The following MYH7 variants were observed in gnomAD, a reference collection of about 807,000 sequenced individuals.
The protein encoded by MYH7 is myosin-7.
In MYH7, 129 loss-of-function variants were observed where a neutral mutation model predicts 225.4. The ratio of observed to expected loss-of-function variants is 0.57; its 90% CI spans 0.50 to 0.66. The LOEUF is 0.66. MYH7 is among the 30% of genes least tolerant of loss of function. The pLI is 0.00. For missense variants in MYH7, 1,649 were observed against 2,517.0 expected (o/e 0.66, Z 7.38); for synonymous variants, 971 against 1,007.6 (o/e 0.96, Z 0.69).
intron 30 of MYH7, 123 bp downstream of exon 30, chr14:23,418,087 A>T: frequency 7.0e-7 from 1 of 1,420,588 alleles, no homozygotes; most frequent in Non-Finnish European, 1.0e-6. Context: ...GCCGGGGCAG[A>T]GTCCTCCTGT....
rs773468693 is a variant in MYH7, at chr14:23,424,120, C to T, written c.2709G>A (p.Glu903=). 2.5e-6 allele frequency: 4 copies of T among 1,614,220 alleles called. No homozygotes were observed. The highest frequency in any genetic ancestry group is 3.3e-5 in the Admixed American group (2 of 60,032). ...AEQDNLADAE[E]RCDQLIKNKI... is the part of the protein sequence containing the mutation. Reference sequence around the variant, plus strand: ...TGTTTTTGATCAGCTGATCACAGCGCTCCTCAGCATCTGCCAGGTTGTCTT... The same window carrying T: ...TGTTTTTGATCAGCTGATCACAGCGTTCCTCAGCATCTGCCAGGTTGTCTT... The change falls in exon 23 of 40, where the codon GAG becomes GAA. Residue 903 remains glutamate (E), a synonymous_variant. Coordinates refer to ENST00000355349, the MANE Select transcript of MYH7 (RefSeq NM_000257.4).
rs770924849 is a variant in MYH7 at position 23,425,269 on chromosome 14, T to A, written c.2423+13A>T. The A allele has an allele frequency of 6.8e-6, 11 of 1,612,462 alleles. No individual in the cohort carries two copies. The South Asian group carries it at 1.2e-4, about 18-fold the overall frequency. ...CTCAGAGAAGCGGGAAACCTCCTCT[T>A]GAGATCTCTCACCTACGTTCCAGCA... On this transcript the variant is annotated intron_variant, in intron 21 of 39. Transcript: ENST00000355349. The surrounding 1 kb of genome is among the most constrained non-coding windows in gnomAD (Gnocchi z 4.6).
intron 33 of MYH7, 85 bp downstream of exon 33, chr14:23,416,783 A>G: frequency 6.2e-7 from 1 of 1,606,358 alleles, no homozygotes. Context: ...GACAGTGAAC[A>G]AAACGGACAA....
At chr14:23,417,915 G>A (rs1255476055) in intron 30 of MYH7, 5 of 869,876 alleles carry the variant, frequency 5.7e-6, no homozygotes, top group Non-Finnish European at 9.9e-6. Context: ...TGGACATTGA[G>A]GAGGTATGGG....
chr14:23,433,678 AC>A lies in MYH7; in HGVS notation c.54del (p.Lys18AsnfsTer7), dbSNP rs776020653. The A allele has an allele frequency of 6.2e-7, 1 of 1,614,142 alleles. No homozygotes were observed. The highest frequency in any genetic ancestry group is 8.5e-7 in the Non-Finnish European group (1 of 1,180,046). Reference sequence around the variant, plus strand: ...TGCGCTTCTAGCCGCTCCTTCTCTGACTTGCGCAGGTAGGGGGCGGCAGCCC... The same window carrying A: ...TGCGCTTCTAGCCGCTCCTTCTCTGATTGCGCAGGTAGGGGGCGGCAGCCC... The part of the protein sequence containing the change: ...VFGAAAPYLR[K>X]SEKERLEAQT... On this transcript the variant is annotated frameshift_variant, in exon 3 of 40. Transcript: ENST00000355349. LOFTEE classifies it high-confidence loss of function. The surrounding 1 kb of genome is among the most constrained non-coding windows in gnomAD (Gnocchi z 4.1).
Position 23,422,251 on chromosome 14 carries a change from G to GAGAGC in MYH7, c.3173_3174insGCTCT (p.Asp1058GlufsTer4). 1 of 1,614,048 alleles carries GAGAGC rather than the reference G, an allele frequency of 6.2e-7. No individual in the cohort carries two copies. On this transcript the variant is annotated frameshift_variant, in exon 25 of 40. Coordinates refer to ENST00000355349, the MANE Select transcript of MYH7 (RefSeq NM_000257.4). LOFTEE classifies it high-confidence loss of function. ...TGATGCTCTCCTGGGTCAGCTTCAGGTCGCCCTCCAGCTTCCGCTTCGCTC... is the reference window on the plus strand; with the variant it reads ...TGATGCTCTCCTGGGTCAGCTTCAGGAGAGCTCGCCCTCCAGCTTCCGCTTCGCTC...
At chr14:23,432,177 T>A (rs1276462040) in intron 6 of MYH7, among the ~76,000 whole-genome samples, 1 of 152,172 alleles carries the variant, frequency 6.6e-6, no homozygotes, top group Non-Finnish European at 1.5e-5. Context: ...TGGGAAATGT[T>A]TCTGAAGGGA....
chr14:23,428,046 C>G (rs1405347888), intron 15 of MYH7, 152 bp from the exon 16 acceptor site: 8 of 1,029,054 alleles, frequency 7.8e-6, no homozygotes, highest in Non-Finnish European at 9.9e-6. Flanking sequence ...TGACTGGAAC[C>G]GGTTCAAGGT....
At chr14:23,423,301 G>A (rs1303249698) in intron 24 of MYH7, among the ~76,000 whole-genome samples, 4 of 152,164 alleles carry the variant, frequency 2.6e-5, no homozygotes, top group African/African-American at 9.6e-5. Flanking sequence ...CTCTATTATT[G>A]ATCATACCAG....
At chr14:23,430,478 G>A (rs1892882680) in intron 11 of MYH7, 82 bp downstream of exon 11, 5 of 1,114,546 alleles carry the variant, frequency 4.5e-6, no homozygotes, top group Non-Finnish European at 6.7e-6. Flanking sequence ...CCAATGGCCA[G>A]CGTCTTAGCT....
In MYH7 at chr14:23,412,786, G is replaced by T. The variant is rs1892025151; in HGVS notation, c.*68C>A. 1 of 1,573,028 alleles carries T rather than the reference G, an allele frequency of 6.4e-7. No homozygotes were observed. Among genetic ancestry groups the T allele is most frequent in the Admixed American group, 1.7e-5 (1 of 59,948 alleles). ...TTATTCTGCTTCCTCCCAAGGAGCT[G>T]TTACACAGGCTCCAGCATGGGGCTT... On this transcript the variant is annotated 3_prime_UTR_variant, in exon 40 of 40. Transcript: ENST00000355349.
intron 37 of MYH7, 148 bp downstream of exon 37, chr14:23,414,847 A>T: frequency 7.3e-7 from 1 of 1,362,194 alleles, no homozygotes; most frequent in Non-Finnish European, 1.0e-6. Flanking sequence ...GGACATTCAG[A>T]GTGGGGCAGG....
At chr14:23,419,120 G>T in intron 29 of MYH7, 57 bp downstream of exon 29, 1 of 1,446,626 alleles carries the variant, frequency 6.9e-7, no homozygotes, top group South Asian at 1.1e-5. Flanking sequence ...GTGATTTGAT[G>T]CAAGGCTAGT....
chr14:23,417,597 C>T lies in MYH7; in HGVS notation c.4259G>A (p.Arg1420Gln), dbSNP rs397516207. 6.2e-6 allele frequency: 10 copies of T among 1,612,722 alleles called. No homozygotes were observed. The highest frequency in any genetic ancestry group is 2.2e-5 in the East Asian group (1 of 44,876). ...KCSSLEKTKH[R>Q]LQNEIEDLMV... is the part of the protein sequence containing the mutation. The stretch of plus-strand genomic sequence containing the variant: ...CAAGTCCTCGATCTCATTCTGTAGC[C>T]GGTGCTTGGTCTTCTCCAGCGAGGA... Residue 1420 changes from arginine to glutamine, a missense_variant, in exon 31 of 40, where the codon CGG becomes CAG. Around this residue, in one of 12 missense-constraint regions of MYH7, gnomAD observed 687 missense variants for 913.8 expected, o/e 0.75. Coordinates refer to ENST00000355349, the MANE Select transcript of MYH7 (RefSeq NM_000257.4).
intron 25 of MYH7, chr14:23,421,844 T>TCCACATGAGAGC: frequency 1.1e-6 from 1 of 926,894 alleles, no homozygotes; most frequent in Non-Finnish European, 1.3e-6. Flanking sequence ...CCTAAGAGGC[T>TCCACATGAGAGC]CTCATGTGGA....
intron 9 of MYH7, 98 bp downstream of exon 9, chr14:23,431,320 A>G: frequency 8.0e-7 from 1 of 1,255,202 alleles, no homozygotes; most frequent in Non-Finnish European, 1.2e-6. Flanking sequence ...AAAGAGGAGA[A>G]AAACAGAGGG....
At chr14:23,430,496 T>C (rs1004439978) in intron 11 of MYH7, 64 bp downstream of exon 11, 1 of 1,316,574 alleles carries the variant, frequency 7.6e-7, no homozygotes, top group African/African-American at 1.4e-5. Context: ...GCTCTGCTTT[T>C]GGACCCCTGT....
Position 23,425,616 on chromosome 14 carries a change from TG to T in MYH7, c.2286+78del. The T allele has an allele frequency of 6.2e-7, 1 of 1,609,876 alleles. No individual in the cohort carries two copies. Among genetic ancestry groups the T allele is most frequent in the Non-Finnish European group, 8.5e-7 (1 of 1,177,758 alleles). ...ATACAGGTAAGAGATTTTGCTAAGA[TG>T]ATTACAACAGGAAAAGCATCAGAGG... On this transcript the variant is annotated intron_variant, in intron 20 of 39. Coordinates refer to ENST00000355349, the MANE Select transcript of MYH7 (RefSeq NM_000257.4). This position sits in a 1 kb window ranked among gnomAD's most constrained non-coding sequence, Gnocchi z 4.6.
At position 23,415,590 on chromosome 14, in the gene MYH7, C is replaced by T. The variant is rs1422591061; in HGVS notation, c.5157+39G>A. ...TCAAGCCTTGCTTGCTGAGCCCCAG[C>T]CTGTGCTCCCTTCAGGAATGAGCAG... On this transcript the variant is annotated intron_variant, in intron 35 of 39. Transcript: ENST00000355349. This position sits in a 1 kb window ranked among gnomAD's most constrained non-coding sequence, Gnocchi z 6.3. 1 of 1,613,678 alleles carries T rather than the reference C, an allele frequency of 6.2e-7. No individual in the cohort carries two copies. Among genetic ancestry groups the T allele is most frequent in the Admixed American group, 1.7e-5 (1 of 60,030 alleles).
Sources: gnomAD v4.1 joint callset for allele counts (sites outside exome capture counted in the v4.1 genomes callset) on GRCh38, gnomAD v4.1.1 for gene constraint, gnomAD v4.1.1 regional missense constraint, Gnocchi (gnomAD v3.1) non-coding constraint, MANE v1.5 for transcripts, NCBI Gene and HGNC (gene_info 2026-07-23, HGNC 2026-07-21) for gene names.